The following ZMYM5 variants were observed in gnomAD, a reference collection of about 807,000 sequenced individuals.
The protein encoded by ZMYM5 is zinc finger MYM-type protein 5.
ZMYM5 carries 41 observed loss-of-function variants against 61.8 expected under a neutral mutation model. The ratio of observed to expected loss-of-function variants is 0.66; its 90% confidence interval spans 0.52 to 0.86. The LOEUF (loss-of-function observed/expected upper bound fraction) is 0.86, where lower values mean the gene tolerates loss of function less well. ZMYM5 is among the 40% of genes least tolerant of loss of function. The probability of loss-of-function intolerance (pLI) is 0.00; values close to 1 mark genes in which losing one functional copy is unlikely to be tolerated. For synonymous variants in ZMYM5, 257 were observed against 276.4 expected (o/e 0.93, Z 0.70); for missense variants, 706 against 786.7 (o/e 0.90, Z 1.23).
chr13:19,842,960 CAAAAAAAAAAA>C (rs753799756), intron 4 of ZMYM5, among the ~76,000 whole-genome samples: 5 of 77,784 alleles, frequency 6.4e-5, no homozygotes, highest in Admixed American at 1.9e-4. Context: ...AACTCCATCT[CAAAAAAAAAAA>C]AAAAAAAAAA....
intron 6 of ZMYM5, 150 bp from the exon 7 acceptor site, chr13:19,835,839 TC>T: frequency 2.0e-6 from 1 of 487,908 alleles, no homozygotes; most frequent in Non-Finnish European, 3.3e-6. Context: ...TTTTTTTTTT[TC>T]TGAGATAGAG....
chr13:19,837,631 A>G (rs1242872634), intron 6 of ZMYM5, 25 bp downstream of exon 6: 3 of 1,599,534 alleles, frequency 1.9e-6, no homozygotes, highest in Non-Finnish European at 2.5e-6. Context: ...AGCCTAAACA[A>G]CAACTTAGGT....
intron 4 of ZMYM5, among the ~76,000 whole-genome samples, chr13:19,847,514 G>C (rs1953116427): frequency 6.6e-6 from 1 of 152,070 alleles, no homozygotes; most frequent in Admixed American, 6.6e-5. Flanking sequence ...AGATTTTAAA[G>C]AGATTTGCAA....
intron 7 of ZMYM5, among the ~76,000 whole-genome samples, chr13:19,825,739 A>G (rs1231963859): frequency 6.6e-6 from 1 of 151,322 alleles, no homozygotes; most frequent in Non-Finnish European, 1.5e-5. Flanking sequence ...ATCCAAGAGG[A>G]TGACTATAAT....
chr13:19,840,682 T>A (rs12857167), intron 4 of ZMYM5, among the ~76,000 whole-genome samples: 16,478 of 151,292 alleles, frequency 0.11, 1,017 homozygotes, highest in Middle Eastern at 0.14. Flanking sequence ...CCACTTTTTT[T>A]TTTTAATTTT....
Position 19,824,649 on chromosome 13 carries a change from T to G in ZMYM5, c.1838A>C (p.Gln613Pro), listed in dbSNP as rs777687255. ...LKNENGCKDW[Q>P]HLSHILSKHE... ...TTTACTAAGAATATGTGATAAATGT[T>G]GCCAATCTTTGCACCCATTTTCATT... Residue 613 changes from glutamine to proline, a missense_variant, in exon 8 of 8, where the codon CAA becomes CCA. Physicochemically the swap from Gln to Pro is moderately conservative, Grantham distance 76. Around this residue, in one of 2 missense-constraint regions of ZMYM5, gnomAD observed 226 missense variants for 325.0 expected, o/e 0.70. Coordinates refer to ENST00000337963, the MANE Select transcript of ZMYM5 (RefSeq NM_001142684.2). 7.6e-7 allele frequency: 1 copy of G among 1,322,724 alleles called. No homozygotes were observed. Among genetic ancestry groups the G allele is most frequent in the Non-Finnish European group, 1.0e-6 (1 of 999,010 alleles). The allele number at this position is 1,322,724 out of a possible 1,614,324, so 81.9% of individuals were successfully genotyped here.
At chr13:19,836,715 T>C (rs997495322) in intron 6 of ZMYM5, among the ~76,000 whole-genome samples, 3 of 152,226 alleles carry the variant, frequency 2.0e-5, no homozygotes, top group Non-Finnish European at 2.9e-5. Context: ...CGTGTCTGTA[T>C]AACCAGAAGC....
At chr13:19,830,422 T>G (rs1171869998) in intron 7 of ZMYM5, among the ~76,000 whole-genome samples, 1 of 152,192 alleles carries the variant, frequency 6.6e-6, no homozygotes, top group Non-Finnish European at 1.5e-5. Context: ...TTGCTCAGGT[T>G]GAAGTGCAGT....
intron 7 of ZMYM5, among the ~76,000 whole-genome samples, chr13:19,835,226 C>G (rs1952638440): frequency 6.6e-6 from 1 of 152,092 alleles, no homozygotes; most frequent in South Asian, 2.1e-4. Flanking sequence ...AGCTCCTGAG[C>G]TCAAGCAATC....
chr13:19,830,460 T>C (rs560791954), intron 7 of ZMYM5, among the ~76,000 whole-genome samples: 1 of 151,982 alleles, frequency 6.6e-6, no homozygotes, highest in Non-Finnish European at 1.5e-5. Flanking sequence ...CTGCAACCTC[T>C]GCCTCCTGGG....
intron 6 of ZMYM5, among the ~76,000 whole-genome samples, chr13:19,837,025 T>G (rs1391891012): frequency 2.3e-5 from 2 of 87,116 alleles, no homozygotes; most frequent in South Asian, 2.9e-4. Flanking sequence ...TTGTTTTTTG[T>G]TTTTTTTTTT....
At chr13:19,851,567 A>G in intron 3 of ZMYM5, 119 bp from the exon 4 acceptor site, 1 of 1,538,764 alleles carries the variant, frequency 6.5e-7, no homozygotes, top group Non-Finnish European at 8.9e-7. Flanking sequence ...TGTAATAATT[A>G]TGTTCACATC....
chr13:19,829,054 C>T (rs1373008477), intron 7 of ZMYM5, among the ~76,000 whole-genome samples: 1 of 151,892 alleles, frequency 6.6e-6, no homozygotes, highest in African/African-American at 2.4e-5. Flanking sequence ...GTGAGCAGAG[C>T]TCAAGCCACT....
chr13:19,844,959 G>T (rs1183782684), intron 4 of ZMYM5, among the ~76,000 whole-genome samples: 1 of 152,148 alleles, frequency 6.6e-6, no homozygotes, highest in African/African-American at 2.4e-5. Context: ...ACACAATTTG[G>T]TGGTGGGGGA....
At chr13:19,847,360 G>A (rs1190400499) in intron 4 of ZMYM5, among the ~76,000 whole-genome samples, 21 of 152,098 alleles carry the variant, frequency 1.4e-4, no homozygotes, top group African/African-American at 3.9e-4. Flanking sequence ...CTAAAAAGAC[G>A]TGGAAAATAG....
chr13:19,854,477 TAGTC>T (rs1364345244), intron 2 of ZMYM5, among the ~76,000 whole-genome samples: 4 of 151,904 alleles, frequency 2.6e-5, no homozygotes, highest in Non-Finnish European at 4.4e-5. Flanking sequence ...ATACAAAAAT[TAGTC>T]AGTCGTGGTG....
intron 6 of ZMYM5, among the ~76,000 whole-genome samples, chr13:19,836,558 C>T (rs1734855862): frequency 6.6e-6 from 1 of 152,156 alleles, no homozygotes; most frequent in African/African-American, 2.4e-5. Context: ...ATTGTCCTGT[C>T]TCAGCCTCCT....
At position 19,851,447 on chromosome 13, in the gene ZMYM5, G is replaced by C; in HGVS notation, c.494C>G (p.Thr165Ser). 6.2e-7 allele frequency: 1 copy of C among 1,613,858 alleles called. No homozygotes were observed. Among genetic ancestry groups the C allele is most frequent in the African/African-American group, 1.3e-5 (1 of 75,018 alleles). ...GTTAAAAGGTCTTACTCCAGTCTTGGTCTGTGGAGTTAAAGATGGGGTGTA... is the reference window on the plus strand; with the variant it reads ...GTTAAAAGGTCTTACTCCAGTCTTGCTCTGTGGAGTTAAAGATGGGGTGTA... ...FSTSSLSRSK[T>S]KTGVRPFNPG... The change falls in exon 4 of 8, where the codon ACC (threonine) becomes AGC (serine). Residue 165 changes from threonine to serine, a missense_variant and splice_region_variant. Thr to Ser is a moderately conservative substitution (Grantham distance 58, BLOSUM62 1). This residue lies in a region of ZMYM5 where 480 missense variants were observed against 461.7 expected (regional missense o/e 1.04). Transcript: ENST00000337963.
At chr13:19,855,419 C>A (rs1403382047) in intron 2 of ZMYM5, among the ~76,000 whole-genome samples, 1 of 151,934 alleles carries the variant, frequency 6.6e-6, no homozygotes, top group Non-Finnish European at 1.5e-5. Context: ...CCTGTCACCA[C>A]ACCTGGCTAA....
Sources: gnomAD v4.1 joint callset for allele counts (sites outside exome capture counted in the v4.1 genomes callset) on GRCh38, gnomAD v4.1.1 for gene constraint, gnomAD v4.1.1 regional missense constraint, MANE v1.5 for transcripts, NCBI Gene and HGNC (gene_info 2026-07-23, HGNC 2026-07-21) for gene names.